Variants in ARMC9 observed in about 807,000 individuals in gnomAD.
The protein encoded by ARMC9 is armadillo repeat containing 9, also known as lisH domain-containing protein ARMC9.
Under a neutral mutation model 107.0 loss-of-function variants are expected in ARMC9, and 94 were observed. The ratio of observed to expected loss-of-function variants is 0.88; its 90% confidence interval spans 0.74 to 1.04. The LOEUF is 1.04. ARMC9 is among the 50% of genes least tolerant of loss of function. The pLI, the probability that ARMC9 is intolerant of heterozygous loss-of-function variation, is 0.00. For synonymous variants in ARMC9, 380 were observed against 396.9 expected, an observed-to-expected ratio of 0.96 and a Z score of 0.51; for missense variants, 942 against 1,030.1, an observed-to-expected ratio of 0.91 and a Z score of 1.17.
At chr2:231,248,806 CAAAAA>C (rs35234269) in intron 9 of ARMC9, among the ~76,000 whole-genome samples, 16 of 38,024 alleles carry the variant, frequency 4.2e-4, no homozygotes, top group African/African-American at 1.3e-3. Flanking sequence ...GGTTCTGTCT[CAAAAA>C]AAAAAAAAAA....
At position 231,255,109 on chromosome 2, in the gene ARMC9, C is replaced by T. The variant is rs1222611681; in HGVS notation, c.880-1477C>T. On this transcript the variant is annotated intron_variant, in intron 9 of 24. Coordinates refer to ENST00000611582, the MANE Select transcript of ARMC9 (RefSeq NM_001352754.2). This position sits in a 1 kb window ranked among gnomAD's most constrained non-coding sequence, Gnocchi z 4.7. ...AGTCAGTTCAAACAAGCACTACACA[C>T]TGTATCTGCTTATATGTTTCTCAGA... 6.6e-6 allele frequency among the ~76,000 whole-genome samples: 1 copy of T among 152,072 alleles called. No individual in the cohort carries two copies. Among genetic ancestry groups the T allele is most frequent in the Non-Finnish European group, 1.5e-5 (1 of 68,024 alleles).
chr2:231,299,307 T>C (rs2125489516), intron 19 of ARMC9, among the ~76,000 whole-genome samples: 1 of 152,294 alleles, frequency 6.6e-6, no homozygotes, highest in East Asian at 1.9e-4. Context: ...AGCAAATGTA[T>C]AAAGACACAG....
chr2:231,215,919 G>A (rs375933136), intron 4 of ARMC9, among the ~76,000 whole-genome samples: 132 of 152,290 alleles, frequency 8.7e-4, no homozygotes, highest in Middle Eastern at 6.8e-3. Context: ...TCAAAAGAGG[G>A]CTCATGGTAT....
At chr2:231,280,806 A>T (rs929866926) in intron 16 of ARMC9, among the ~76,000 whole-genome samples, 2 of 152,228 alleles carry the variant, frequency 1.3e-5, no homozygotes, top group Non-Finnish European at 2.9e-5. Flanking sequence ...CCAATCGAAA[A>T]GAAGGATAAA....
chr2:231,229,527 C>G (rs1029015237), intron 7 of ARMC9, among the ~76,000 whole-genome samples: 3 of 152,158 alleles, frequency 2.0e-5, no homozygotes, highest in Non-Finnish European at 4.4e-5. Flanking sequence ...TTCACCTAGT[C>G]ACTTAAAAAG....
At chr2:231,318,841 G>A (rs2042849594) in intron 19 of ARMC9, among the ~76,000 whole-genome samples, 1 of 152,222 alleles carries the variant, frequency 6.6e-6, no homozygotes, top group African/African-American at 2.4e-5. Context: ...AGGGCCAGAA[G>A]TCGTTAGATC....
intron 20 of ARMC9, among the ~76,000 whole-genome samples, chr2:231,333,009 G>A (rs2043846865): frequency 6.6e-6 from 1 of 152,190 alleles, no homozygotes; most frequent in Admixed American, 6.5e-5. Context: ...GGTGGCCTGA[G>A]GCTTTATGGG....
intron 7 of ARMC9, among the ~76,000 whole-genome samples, chr2:231,229,984 G>A (rs1288043947): frequency 6.6e-6 from 1 of 152,152 alleles, no homozygotes; most frequent in Non-Finnish European, 1.5e-5. Flanking sequence ...TGGATATGAA[G>A]AGTCTCAATA....
At chr2:231,228,135 C>A (rs1382690783) in intron 7 of ARMC9, among the ~76,000 whole-genome samples, 3 of 152,212 alleles carry the variant, frequency 2.0e-5, no homozygotes, top group African/African-American at 7.2e-5. Context: ...CCAGTTTGCT[C>A]ACATCCAACA....
Position 231,338,221 on chromosome 2 carries a change from CT to C in ARMC9, c.1878+6341del, listed in dbSNP as rs869272919. ...AGAACATAAATCATAGTGAAGTTCA[CT>C]TTTTTTTTTTTTTTTTAAAACAGTC... On this transcript the variant is annotated intron_variant, in intron 20 of 24. Transcript: ENST00000611582. Among the ~76,000 whole-genome samples the C allele has an allele frequency of 3.9e-3, 546 of 141,460 alleles. 1 individual carries two copies. The highest frequency in any genetic ancestry group is 3.8e-3 in the Non-Finnish European group (245 of 64,432). 92.8% of individuals were successfully genotyped at this position (141,460 alleles called of 152,430 possible).
At chr2:231,306,232 G>T (rs1181724333) in intron 19 of ARMC9, among the ~76,000 whole-genome samples, 2 of 152,040 alleles carry the variant, frequency 1.3e-5, no homozygotes, top group Admixed American at 6.5e-5. Context: ...ATTTTGATTG[G>T]GACTACATTA....
In ARMC9 at chr2:231,215,050, C is replaced by T. The variant is rs746790572; in HGVS notation, c.348+49C>T. On this transcript the variant is annotated intron_variant, in intron 4 of 24. Coordinates refer to ENST00000611582, the MANE Select transcript of ARMC9 (RefSeq NM_001352754.2). ...TGGGTCTGAGTGGTGTGTTAAGGAACAGTGTTTGCTGTCATTGTCCACATG... is the reference window on the plus strand; with the variant it reads ...TGGGTCTGAGTGGTGTGTTAAGGAATAGTGTTTGCTGTCATTGTCCACATG... The T allele has an allele frequency of 2.7e-5, 43 of 1,581,476 alleles. No homozygotes were observed. The East Asian group carries it at 8.5e-4, about 31-fold the overall frequency.
rs1031049381 is a variant in ARMC9, at chr2:231,375,095, T to A, written c.*3560T>A. Among the ~76,000 whole-genome samples, 26 of 152,190 alleles carry A rather than the reference T, an allele frequency of 1.7e-4. No individual in the cohort carries two copies. Among genetic ancestry groups the A allele is most frequent in the African/African-American group, 5.8e-4 (24 of 41,442 alleles). On this transcript the variant is annotated 3_prime_UTR_variant, in exon 25 of 25. Coordinates refer to ENST00000611582, the MANE Select transcript of ARMC9 (RefSeq NM_001352754.2). This position sits in a 1 kb window ranked among gnomAD's most constrained non-coding sequence, Gnocchi z 4.3. ...AAACTTAGTGGCTTAAACCAACAAATGTATTAGCTTTATAATGATTTGGAT... is the reference window on the plus strand; with the variant it reads ...AAACTTAGTGGCTTAAACCAACAAAAGTATTAGCTTTATAATGATTTGGAT...
chr2:231,240,085 C>G (rs551935600), intron 9 of ARMC9, 44 bp downstream of exon 9: 2 of 1,467,974 alleles, frequency 1.4e-6, no homozygotes, highest in South Asian at 2.4e-5. Flanking sequence ...GTCTATCCCC[C>G]CAAATTTAAA....
At chr2:231,214,333 C>T (rs1036314841) in intron 3 of ARMC9, among the ~76,000 whole-genome samples, 2 of 152,210 alleles carry the variant, frequency 1.3e-5, no homozygotes, top group Admixed American at 6.5e-5. Context: ...AGTGGCAGCT[C>T]TATCTCCTAG....
chr2:231,344,014 G>GAT lies in ARMC9; in HGVS notation c.1879-952_1879-951dup, dbSNP rs574814793. Among the ~76,000 whole-genome samples the GAT allele has an allele frequency of 1.9e-4, 29 of 151,946 alleles. No individual in the cohort carries two copies. In the East Asian group the frequency reaches 1.9e-3, roughly 10 times the overall value. On this transcript the variant is annotated intron_variant, in intron 20 of 24. Transcript: ENST00000611582. ...TCTTTATCATTGTACATGGCTATAT[G>GAT]ATATATATATCAAGTGAATATGCCA...
intron 19 of ARMC9, among the ~76,000 whole-genome samples, chr2:231,305,100 T>C (rs1484498968): frequency 2.6e-5 from 4 of 152,224 alleles, no homozygotes; most frequent in Admixed American, 6.5e-5. Context: ...TTCCAAAAGA[T>C]GGGCCATAAG....
At chr2:231,369,116 C>CA (rs2125599743) in intron 23 of ARMC9, among the ~76,000 whole-genome samples, 1 of 152,240 alleles carries the variant, frequency 6.6e-6, no homozygotes, top group Non-Finnish European at 1.5e-5. Flanking sequence ...AGACATTTTA[C>CA]AGGCAGGGAA....
At chr2:231,273,841 T>G (rs2039542646) in intron 14 of ARMC9, among the ~76,000 whole-genome samples, 1 of 152,170 alleles carries the variant, frequency 6.6e-6, no homozygotes, top group African/African-American at 2.4e-5. Context: ...ATCACCACAA[T>G]CCAGGTTTAG....
Sources: gnomAD v4.1 joint callset for allele counts (sites outside exome capture counted in the v4.1 genomes callset) on GRCh38, gnomAD v4.1.1 for gene constraint, Gnocchi (gnomAD v3.1) non-coding constraint, MANE v1.5 for transcripts, NCBI Gene and HGNC (gene_info 2026-07-23, HGNC 2026-07-21) for gene names.